TCERG1L: variants seen among roughly 807,000 people sequenced by gnomAD.
TCERG1L encodes transcription elongation regulator 1-like protein.
TCERG1L carries 37 observed loss-of-function variants against 56.3 expected under a neutral mutation model. That is an observed-to-expected ratio of 0.66 (90% CI 0.51 to 0.87). TCERG1L has a LOEUF of 0.87. Ranked by LOEUF, TCERG1L falls within the 40% of genes least tolerant of loss-of-function variation. The pLI is 0.00. For synonymous variants in TCERG1L, 324 were observed against 326.3 expected, an observed-to-expected ratio of 0.99 and a Z score of 0.08; for missense variants, 799 against 774.2, an observed-to-expected ratio of 1.03 and a Z score of -0.38.
chr10:131,133,344 A>C lies in TCERG1L; in HGVS notation c.1259+1035T>G, dbSNP rs143742469. Among the ~76,000 whole-genome samples, 9 of 152,296 alleles carry C rather than the reference A, an allele frequency of 5.9e-5. No homozygotes were observed. The East Asian group carries it at 1.7e-3, about 29-fold the overall frequency. On this transcript the variant is annotated intron_variant, in intron 8 of 11. Coordinates refer to ENST00000368642, the MANE Select transcript of TCERG1L (RefSeq NM_174937.4). ...TTTTATTGCAAAAGTACATTTTTTA[A>C]AAGAGAAAACGCATACGACACTGAG...
intron 11 of TCERG1L, among the ~76,000 whole-genome samples, chr10:131,094,592 C>T (rs1845221588): frequency 6.6e-6 from 1 of 152,166 alleles, no homozygotes; most frequent in South Asian, 2.1e-4. Context: ...CTTGTTTACA[C>T]ATCTCTCGCA....
At chr10:131,185,532 A>G (rs1845227367) in intron 4 of TCERG1L, among the ~76,000 whole-genome samples, 1 of 152,252 alleles carries the variant, frequency 6.6e-6, no homozygotes, top group South Asian at 2.1e-4. Flanking sequence ...AATTCTTTAC[A>G]ACTCAACAAG....
intron 8 of TCERG1L, among the ~76,000 whole-genome samples, chr10:131,128,887 T>C (rs921529861): frequency 5.9e-5 from 9 of 152,148 alleles, no homozygotes; most frequent in African/African-American, 1.9e-4. Flanking sequence ...GCCAGAGCAC[T>C]AATCAAACCT....
intron 8 of TCERG1L, among the ~76,000 whole-genome samples, chr10:131,124,932 C>T (rs11017738): frequency 0.2 from 31,106 of 152,176 alleles, 3,407 homozygotes; most frequent in Middle Eastern, 0.27. Context: ...TTGGGATTTG[C>T]TTGTAAGAAT....
chr10:131,180,357 G>C (rs1486957517), intron 4 of TCERG1L, among the ~76,000 whole-genome samples: 1 of 152,210 alleles, frequency 6.6e-6, no homozygotes. Flanking sequence ...ATTGCAGGGA[G>C]CTCTGCAAAT....
intron 3 of TCERG1L, among the ~76,000 whole-genome samples, chr10:131,285,204 C>T (rs1044515386): frequency 6.6e-6 from 1 of 151,786 alleles, no homozygotes; most frequent in African/African-American, 2.4e-5. Context: ...ATGGTAAAAC[C>T]CTGTCTCTAC....
At position 131,311,622 on chromosome 10, in the gene TCERG1L, G is replaced by A. The variant is rs1339717182; in HGVS notation, c.14C>T (p.Ala5Val). 4.4e-6 allele frequency: 5 copies of A among 1,136,782 alleles called. No homozygotes were observed. Among genetic ancestry groups the A allele is most frequent in the African/African-American group, 3.3e-5 (2 of 60,350 alleles). 70.4% of individuals were successfully genotyped at this position (1,136,782 alleles called of 1,614,324 possible). MQAG[A>V]RFQRRRRQLQ... ...CTGCCGCCGCCGCCGCTGGAACCTG[G>A]CGCCCGCCTGCATCCTACATCCCCG... The change falls in exon 1 of 12, where the codon GCC becomes GTC. Residue 5 changes from alanine (A) to valine (V), a missense_variant. Ala to Val is a moderately conservative substitution (Grantham distance 64, BLOSUM62 0). Transcript: ENST00000368642. The surrounding 1 kb of genome is among the most constrained non-coding windows in gnomAD (Gnocchi z 4.0).
At chr10:131,309,327 G>C (rs113013452) in intron 1 of TCERG1L, 28 bp from the exon 2 acceptor site, 1 of 1,584,836 alleles carries the variant, frequency 6.3e-7, no homozygotes, top group South Asian at 1.2e-5. Context: ...AAAGACAGCT[G>C]CATTAGCCTG....
intron 11 of TCERG1L, among the ~76,000 whole-genome samples, chr10:131,093,799 C>T (rs1055913586): frequency 6.6e-6 from 1 of 152,184 alleles, no homozygotes; most frequent in Admixed American, 6.5e-5. Context: ...CTTTGGGAAA[C>T]TCGCCCTATC....
rs1846299780 is a variant in TCERG1L at position 131,267,571 on chromosome 10, C to T, written c.671-7127G>A. On this transcript the variant is annotated intron_variant, in intron 3 of 11. Transcript: ENST00000368642. This position sits in a 1 kb window ranked among gnomAD's most constrained non-coding sequence, Gnocchi z 4.9. ...CTCTGCCGCAGTGGTGGCCCTTGCA[C>T]AAGTGAACCCGATGTTCCTGGGGCT... is the stretch of plus-strand genomic sequence containing the variant. Among the ~76,000 whole-genome samples, 1 of 152,212 alleles carries T rather than the reference C, an allele frequency of 6.6e-6. No homozygotes were observed. Among genetic ancestry groups the T allele is most frequent in the Non-Finnish European group, 1.5e-5 (1 of 68,034 alleles).
chr10:131,305,245 G>A (rs924722532), intron 3 of TCERG1L, among the ~76,000 whole-genome samples: 1 of 152,050 alleles, frequency 6.6e-6, no homozygotes, highest in Non-Finnish European at 1.5e-5. Context: ...TGGCCAACAG[G>A]CTTGTTTACA....
At chr10:131,295,856 T>C (rs1376508677) in intron 3 of TCERG1L, among the ~76,000 whole-genome samples, 1 of 152,236 alleles carries the variant, frequency 6.6e-6, no homozygotes, top group African/African-American at 2.4e-5. Flanking sequence ...TACAATTTTG[T>C]AGACTTTCAC....
intron 4 of TCERG1L, among the ~76,000 whole-genome samples, chr10:131,219,843 CAGTGTT>C (rs1422247245): frequency 6.6e-6 from 1 of 152,178 alleles, no homozygotes; most frequent in Non-Finnish European, 1.5e-5. Context: ...AGTCAGCATC[CAGTGTT>C]AAGGTGGGAT....
chr10:131,233,741 T>C (rs945486276), intron 4 of TCERG1L, among the ~76,000 whole-genome samples: 7 of 152,252 alleles, frequency 4.6e-5, no homozygotes, highest in African/African-American at 1.7e-4. Context: ...TAACTCCTGC[T>C]ATGCTTCGGC....
At chr10:131,238,376 G>A (rs1845936674) in intron 4 of TCERG1L, among the ~76,000 whole-genome samples, 1 of 152,174 alleles carries the variant, frequency 6.6e-6, no homozygotes, top group African/African-American at 2.4e-5. Context: ...CCCTCAGAAG[G>A]GGTGTAACAC....
chr10:131,160,095 C>A (rs1845961537), intron 6 of TCERG1L, among the ~76,000 whole-genome samples: 1 of 152,194 alleles, frequency 6.6e-6, no homozygotes, highest in South Asian at 2.1e-4. Flanking sequence ...CTGCACAGGT[C>A]CCAGCAGGCA....
chr10:131,168,724 T>C (rs1418895271), intron 4 of TCERG1L, among the ~76,000 whole-genome samples: 1 of 152,156 alleles, frequency 6.6e-6, no homozygotes, highest in Non-Finnish European at 1.5e-5. Flanking sequence ...GGTCTGCCCT[T>C]AGTGCCGGCT....
intron 6 of TCERG1L, chr10:131,161,084 C>T (rs1251779481): frequency 6.6e-5 from 10 of 152,188 alleles, no homozygotes; most frequent in East Asian, 3.9e-4. Context: ...TATATGCAGT[C>T]ATGTGCCGCA....
intron 8 of TCERG1L, among the ~76,000 whole-genome samples, chr10:131,132,574 G>A (rs1017297328): frequency 4.6e-5 from 7 of 152,190 alleles, no homozygotes; most frequent in Non-Finnish European, 1.0e-4. Flanking sequence ...CACATTCCAC[G>A]TTTCCTGTGC....
Sources: allele counts gnomAD v4.1 joint callset (sites outside exome capture counted in the v4.1 genomes callset), GRCh38; gene constraint gnomAD v4.1.1; non-coding constraint Gnocchi (gnomAD v3.1); transcripts MANE v1.5; gene names NCBI Gene and HGNC (gene_info 2026-07-23, HGNC 2026-07-21).